GABRA3: variants seen among roughly 807,000 people sequenced by gnomAD.
GABRA3 encodes the protein gamma-aminobutyric acid receptor subunit alpha-3.
Under a neutral mutation model 30.1 loss-of-function variants are expected in GABRA3, and 10 were observed. The ratio of observed to expected loss-of-function variants is 0.33; its 90% CI spans 0.20 to 0.56. The LOEUF is 0.56. GABRA3 is among the 20% of genes least tolerant of loss of function. The pLI, the probability that GABRA3 is intolerant of heterozygous loss-of-function variation, is 0.89. For synonymous variants in GABRA3, 151 were observed against 146.8 expected, an observed-to-expected ratio of 1.03 and a Z score of -0.21; for missense variants, 233 against 392.0, an observed-to-expected ratio of 0.59 and a Z score of 3.42.
chrX:152,254,678 A>C (rs1938609475), intron 5 of GABRA3, among the ~76,000 whole-genome samples: 1 of 111,853 alleles, frequency 8.9e-6, no homozygotes, highest in African/African-American at 3.2e-5. Flanking sequence ...AACACCAATA[A>C]ATAGCAAATT....
chrX:152,316,278 T>C (rs1367364114), intron 3 of GABRA3, among the ~76,000 whole-genome samples: 1 of 110,166 alleles, frequency 9.1e-6, no homozygotes, highest in East Asian at 2.9e-4. Flanking sequence ...AAAAACATAG[T>C]TTTTGAAATA....
chrX:152,437,671 G>C (rs1185938904), intron 1 of GABRA3, among the ~76,000 whole-genome samples: 1 of 111,974 alleles, frequency 8.9e-6, no homozygotes, highest in Non-Finnish European at 1.9e-5. Context: ...GAATACGTCA[G>C]TGGAACAGAA....
chrX:152,449,254 A>G (rs1204885615), intron 1 of GABRA3, among the ~76,000 whole-genome samples: 1 of 112,432 alleles, frequency 8.9e-6, no homozygotes, highest in Non-Finnish European at 1.9e-5. Context: ...GAGTTGCTCC[A>G]TGACACAAAG....
chrX:152,404,725 G>A (rs1929881985), intron 1 of GABRA3, among the ~76,000 whole-genome samples: 1 of 97,570 alleles, frequency 1.0e-5, no homozygotes. Flanking sequence ...GGAGAGCCAG[G>A]AAGTCATTTA....
chrX:152,175,170 G>A (rs1470587609), intron 9 of GABRA3, among the ~76,000 whole-genome samples: 2 of 111,700 alleles, frequency 1.8e-5, no homozygotes, highest in African/African-American at 3.3e-5. Context: ...GGGACAGAGA[G>A]TAACTGCAGG....
intron 1 of GABRA3, among the ~76,000 whole-genome samples, chrX:152,429,632 A>G (rs770393207): frequency 1.8e-5 from 2 of 111,697 alleles, no homozygotes; most frequent in Admixed American, 9.5e-5. Context: ...CTTCAACCTA[A>G]AAATAGTTGT....
intron 7 of GABRA3, among the ~76,000 whole-genome samples, chrX:152,201,639 G>C (rs768896003): frequency 8.9e-6 from 1 of 112,011 alleles, no homozygotes; most frequent in South Asian, 3.7e-4. Context: ...TTTGATAATA[G>C]AATGTAAAAC....
At chrX:152,267,033 T>A (rs1202229570) in intron 4 of GABRA3, among the ~76,000 whole-genome samples, 1 of 112,224 alleles carries the variant, frequency 8.9e-6, no homozygotes, top group East Asian at 2.8e-4. Flanking sequence ...GACACAGTTA[T>A]CCTAAACAAA....
intron 7 of GABRA3, among the ~76,000 whole-genome samples, chrX:152,204,067 T>C (rs1436727328): frequency 1.8e-5 from 2 of 111,622 alleles, no homozygotes; most frequent in African/African-American, 3.3e-5. Context: ...GAAGGGTTGA[T>C]AGATCAATAA....
In GABRA3 at chrX:152,168,245, T is replaced by C. The variant is rs774359313; in HGVS notation, c.1462A>G (p.Met488Val). The C allele has an allele frequency of 2.5e-6, 3 of 1,208,315 alleles. No homozygotes were observed. Among genetic ancestry groups the C allele is most frequent in the African/African-American group, 3.5e-5 (2 of 57,099 alleles). Residue 488 changes from methionine (M) to valine (V), a missense_variant, in exon 10 of 10, where the codon ATG becomes GTG. By Grantham distance (21) the Met-to-Val change is conservative (BLOSUM62 1). Transcript: ENST00000370314. Reference sequence around the variant, plus strand: ...ACCACTATCTACTGTTTGCGGATCATGCCCTTGATAGCTGACTCCCGGTTG... The same window carrying C: ...ACCACTATCTACTGTTTGCGGATCACGCCCTTGATAGCTGACTCCCGGTTG... ...YVNRESAIKGMIRKQ is the reference protein window; with the variant it reads ...YVNRESAIKGVIRKQ
intron 1 of GABRA3, among the ~76,000 whole-genome samples, chrX:152,374,334 TTTC>T (rs1928932896): frequency 1.3e-5 from 1 of 74,218 alleles, no homozygotes; most frequent in African/African-American, 5.5e-5. Context: ...TTTCTTTTCT[TTTC>T]TTTTTTTTTT....
At chrX:152,450,792 C>T (rs1249139336) in intron 1 of GABRA3, among the ~76,000 whole-genome samples, 1 of 112,561 alleles carries the variant, frequency 8.9e-6, no homozygotes, top group Non-Finnish European at 1.9e-5. Flanking sequence ...GGCTAGGGGC[C>T]ACTCCGTGGC....
intron 3 of GABRA3, among the ~76,000 whole-genome samples, chrX:152,319,229 C>T (rs150551381): frequency 0.037 from 4,080 of 111,023 alleles, 161 homozygotes; most frequent in African/African-American, 0.13. Flanking sequence ...AAAAGCAATC[C>T]TAAAATTCAT....
intron 5 of GABRA3, among the ~76,000 whole-genome samples, chrX:152,225,159 G>A (rs984962152): frequency 2.7e-5 from 3 of 109,854 alleles, no homozygotes; most frequent in Admixed American, 2.0e-4. Context: ...GAAACACCAG[G>A]TTCTGACTCA....
At chrX:152,273,588 A>G (rs1209063106) in intron 4 of GABRA3, among the ~76,000 whole-genome samples, 1 of 112,543 alleles carries the variant, frequency 8.9e-6, no homozygotes, top group Non-Finnish European at 1.9e-5. Context: ...ATGTATATGT[A>G]ATGAAATACT....
At chrX:152,240,539 C>T (rs1254238526) in intron 5 of GABRA3, among the ~76,000 whole-genome samples, 3 of 88,977 alleles carry the variant, frequency 3.4e-5, no homozygotes, top group African/African-American at 1.5e-4. Flanking sequence ...TGAACGTTGG[C>T]CTGCCTTGCT....
intron 4 of GABRA3, among the ~76,000 whole-genome samples, chrX:152,275,250 TA>T (rs1378505601): frequency 6.8e-4 from 35 of 51,251 alleles, no homozygotes; most frequent in African/African-American, 3.7e-3. Flanking sequence ...TTATTATATA[TA>T]ATAAAATATA....
chrX:152,358,389 C>A (rs1940584074), intron 2 of GABRA3, among the ~76,000 whole-genome samples: 1 of 111,651 alleles, frequency 9.0e-6, no homozygotes, highest in Non-Finnish European at 1.9e-5. Flanking sequence ...GATTTTTGTA[C>A]ATTAATTTTG....
intron 5 of GABRA3, among the ~76,000 whole-genome samples, chrX:152,231,079 C>T (rs1938059055): frequency 9.2e-6 from 1 of 108,764 alleles, no homozygotes; most frequent in Non-Finnish European, 1.9e-5. Flanking sequence ...ATTAAAAATA[C>T]ATAAATAACC....
Sources: gnomAD v4.1 joint callset for allele counts (sites outside exome capture counted in the v4.1 genomes callset) on GRCh38, gnomAD v4.1.1 for gene constraint, MANE v1.5 for transcripts, NCBI Gene and HGNC (gene_info 2026-07-23, HGNC 2026-07-21) for gene names.